The following VPS35L variants were observed in gnomAD, a reference collection of about 807,000 sequenced individuals.
The protein encoded by VPS35L is VPS35 endosomal protein-sorting factor-like.
Under a neutral mutation model 133.0 loss-of-function variants are expected in VPS35L, and 83 were observed. The ratio of observed to expected loss-of-function variants is 0.62; its 90% CI spans 0.52 to 0.75. The LOEUF (loss-of-function observed/expected upper bound fraction) is 0.75. Ranked by LOEUF, VPS35L falls within the 30% of genes least tolerant of loss-of-function variation. The pLI is 0.00. For synonymous variants in VPS35L, 423 were observed against 449.9 expected, an observed-to-expected ratio of 0.94 and a Z score of 0.76; for missense variants, 1,083 against 1,206.8, an observed-to-expected ratio of 0.90 and a Z score of 1.52.
At chr16:19,623,213 C>CA (rs11381921) in intron 14 of VPS35L, among the ~76,000 whole-genome samples, 46,813 of 151,876 alleles carry the variant, frequency 0.31, 7,331 homozygotes, top group Middle Eastern at 0.4. Context: ...AACAAAATAC[C>CA]CAGACTAGGA....
chr16:19,556,655 A>T (rs1490311705), intron 1 of VPS35L, among the ~76,000 whole-genome samples: 1 of 152,202 alleles, frequency 6.6e-6, no homozygotes, highest in Admixed American at 6.5e-5. Context: ...GAGCAAATGA[A>T]AGACCTTAGA....
At chr16:19,625,549 C>G (rs1251274979) in intron 14 of VPS35L, among the ~76,000 whole-genome samples, 2 of 152,110 alleles carry the variant, frequency 1.3e-5, no homozygotes, top group African/African-American at 4.8e-5. Context: ...TGTAGCCTTT[C>G]AATAAGGACA....
chr16:19,695,284 C>T (rs1282117324), intron 29 of VPS35L, among the ~76,000 whole-genome samples: 1 of 152,184 alleles, frequency 6.6e-6, no homozygotes, highest in African/African-American at 2.4e-5. Context: ...TCACTGACAG[C>T]ATAAATGATC....
intron 26 of VPS35L, among the ~76,000 whole-genome samples, chr16:19,657,609 A>G (rs984152220): frequency 1.3e-5 from 2 of 152,154 alleles, no homozygotes; most frequent in African/African-American, 4.8e-5. Flanking sequence ...GTTTACTCAA[A>G]AAGTTTGAGA....
intron 27 of VPS35L, among the ~76,000 whole-genome samples, chr16:19,673,436 T>A (rs2151609040): frequency 6.6e-6 from 1 of 152,362 alleles, no homozygotes; most frequent in East Asian, 1.9e-4. Flanking sequence ...CCAGTTTTCC[T>A]GGGTACCTCT....
At chr16:19,556,015 T>C (rs1459610752) in intron 1 of VPS35L, among the ~76,000 whole-genome samples, 2 of 151,946 alleles carry the variant, frequency 1.3e-5, no homozygotes, top group African/African-American at 4.8e-5. Flanking sequence ...TAAAGAAAAC[T>C]TGAGTTTCCA....
rs898352634 is a variant in VPS35L, at chr16:19,629,831, C to A, written c.1554+11C>A. The A allele has an allele frequency of 1.9e-6, 3 of 1,612,024 alleles. No individual in the cohort carries two copies. Among genetic ancestry groups the A allele is most frequent in the Non-Finnish European group, 2.5e-6 (3 of 1,178,182 alleles). On this transcript the variant is annotated intron_variant, in intron 18 of 30. Coordinates refer to ENST00000417362, the MANE Select transcript of VPS35L (RefSeq NM_020314.7). ...TGCAAGCATTTCACGGTATGTGTGA[C>A]TGTGGTATTGTTTTTGAAAGAATTA... is the stretch of plus-strand genomic sequence containing the variant.
intron 29 of VPS35L, among the ~76,000 whole-genome samples, chr16:19,696,742 A>C (rs1433744475): frequency 6.6e-6 from 1 of 152,058 alleles, no homozygotes. Context: ...TTTAAAACAC[A>C]TGCGAATTGA....
intron 27 of VPS35L, among the ~76,000 whole-genome samples, chr16:19,675,339 C>A (rs548441941): frequency 2.0e-5 from 3 of 151,836 alleles, no homozygotes; most frequent in Admixed American, 6.6e-5. Flanking sequence ...GCCACTGCAC[C>A]CAGCTACCTC....
At chr16:19,568,680 A>G (rs1201396805) in intron 2 of VPS35L, among the ~76,000 whole-genome samples, 2 of 151,832 alleles carry the variant, frequency 1.3e-5, no homozygotes, top group Non-Finnish European at 2.9e-5. Context: ...GAGACCACAT[A>G]AATTTAACAG....
At chr16:19,655,456 T>C (rs1339410189) in intron 26 of VPS35L, among the ~76,000 whole-genome samples, 1 of 152,202 alleles carries the variant, frequency 6.6e-6, no homozygotes, top group African/African-American at 2.4e-5. Flanking sequence ...CCCTTGCAGC[T>C]GGTTATAAAA....
At chr16:19,585,501 A>C (rs1971836896) in intron 7 of VPS35L, among the ~76,000 whole-genome samples, 1 of 150,998 alleles carries the variant, frequency 6.6e-6, no homozygotes, top group Non-Finnish European at 1.5e-5. Flanking sequence ...CTCTGGCCTC[A>C]AGCGATCCTC....
chr16:19,616,528 T>G (rs926963141), intron 13 of VPS35L, among the ~76,000 whole-genome samples, 158 bp from the exon 14 acceptor site: 1 of 151,574 alleles, frequency 6.6e-6, no homozygotes, highest in African/African-American at 2.4e-5. Context: ...TTCTGTGTTT[T>G]TTTTTGGTTT....
At chr16:19,588,532 T>C (rs1486232810) in intron 7 of VPS35L, among the ~76,000 whole-genome samples, 3 of 152,160 alleles carry the variant, frequency 2.0e-5, no homozygotes, top group Admixed American at 6.6e-5. Flanking sequence ...TCTTCTTCTT[T>C]TTTTAAATTA....
chr16:19,562,245 A>T (rs1047127576), intron 1 of VPS35L, among the ~76,000 whole-genome samples: 3 of 152,194 alleles, frequency 2.0e-5, no homozygotes, highest in Non-Finnish European at 4.4e-5. Context: ...GTGGGAATTT[A>T]TAGCCAAGTG....
At chr16:19,687,578 C>G (rs1975506684) in intron 28 of VPS35L, among the ~76,000 whole-genome samples, 1 of 152,172 alleles carries the variant, frequency 6.6e-6, no homozygotes, top group African/African-American at 2.4e-5. Flanking sequence ...GGGGAAGTAT[C>G]CCAGCAGAGT....
intron 1 of VPS35L, among the ~76,000 whole-genome samples, chr16:19,560,685 A>C (rs1970999871): frequency 6.6e-6 from 1 of 152,018 alleles, no homozygotes; most frequent in Admixed American, 6.6e-5. Flanking sequence ...AATCCCAGTC[A>C]CTTGGGAGGC....
rs201357022 is a variant in VPS35L at position 19,674,620 on chromosome 16, G to C, written c.2361+5321G>C. 1.1e-4 allele frequency among the ~76,000 whole-genome samples: 16 copies of C among 152,214 alleles called. No individual in the cohort carries two copies. In the East Asian group the frequency reaches 2.1e-3, roughly 20 times the overall value. ...CTACCCTCTTAACCGGTTTTTACGT[G>C]TACAATACATTACTATTGACATAGA... On this transcript the variant is annotated intron_variant, in intron 27 of 30. Transcript: ENST00000417362.
At chr16:19,573,642 A>T (rs568795315) in intron 4 of VPS35L, among the ~76,000 whole-genome samples, 1 of 152,234 alleles carries the variant, frequency 6.6e-6, no homozygotes, top group East Asian at 1.9e-4. Flanking sequence ...AACATAGTGA[A>T]ACCCCATCTC....
Sources: allele counts gnomAD v4.1 joint callset (sites outside exome capture counted in the v4.1 genomes callset), GRCh38; gene constraint gnomAD v4.1.1; transcripts MANE v1.5; gene names NCBI Gene and HGNC (gene_info 2026-07-23, HGNC 2026-07-21).